Variants in LTBP1 observed in about 807,000 individuals in gnomAD.
The protein encoded by LTBP1 is latent transforming growth factor beta binding protein 1.
In LTBP1, 129 loss-of-function variants were observed where a neutral mutation model predicts 207.6. That is an observed-to-expected ratio of 0.62 (90% CI 0.54 to 0.72). The LOEUF is 0.72. LTBP1 is among the 30% of genes least tolerant of loss of function. LTBP1 has a pLI of 0.00. For synonymous variants in LTBP1, 963 were observed against 833.7 expected, an observed-to-expected ratio of 1.16 and a Z score of -2.67; for missense variants, 2,281 against 2,217.2, an observed-to-expected ratio of 1.03 and a Z score of -0.58.
intron 2 of LTBP1, among the ~76,000 whole-genome samples, chr2:32,986,029 G>T (rs901249688): frequency 6.6e-6 from 1 of 152,122 alleles, no homozygotes; most frequent in Non-Finnish European, 1.5e-5. Flanking sequence ...TACAAAAAAT[G>T]TTCCTTTTAT....
chr2:33,141,924 C>G (rs936544146), intron 5 of LTBP1, among the ~76,000 whole-genome samples: 1 of 151,930 alleles, frequency 6.6e-6, no homozygotes, highest in African/African-American at 2.4e-5. Flanking sequence ...AAAGAGGCAA[C>G]CAATTCTTGT....
intron 26 of LTBP1, among the ~76,000 whole-genome samples, chr2:33,356,966 T>C (rs190506967): frequency 6.6e-6 from 1 of 152,334 alleles, no homozygotes; most frequent in East Asian, 1.9e-4. Flanking sequence ...GTGTTACTCT[T>C]GGGTCATTGT....
At position 33,275,870 on chromosome 2, in the gene LTBP1, G is replaced by A. The variant is rs868050283; in HGVS notation, c.2939G>A (p.Arg980Gln). The change falls in exon 18 of 34, where the codon CGG (arginine) becomes CAG (glutamine). Residue 980 changes from arginine to glutamine, a missense_variant. Around this residue, in one of 3 missense-constraint regions of LTBP1, gnomAD observed 1,671 missense variants for 1,634.8 expected, o/e 1.02. Transcript: ENST00000404816. ...TGTGTCAATACTGTGGGGGCCTTCC[G>A]GTGTGAATACTGTGACAGCGGGTAC... is the stretch of plus-strand genomic sequence containing the variant. ...GHCVNTVGAFRCEYCDSGYRM... is the reference protein window; with the variant it reads ...GHCVNTVGAFQCEYCDSGYRM... 1.7e-5 allele frequency: 28 copies of A among 1,611,878 alleles called. No individual in the cohort carries two copies. In the East Asian group the frequency reaches 2.0e-4, roughly 12 times the overall value.
chr2:33,254,217 C>T (rs529342234), intron 11 of LTBP1, among the ~76,000 whole-genome samples: 72 of 152,160 alleles, frequency 4.7e-4, no homozygotes, highest in African/African-American at 1.7e-3. Context: ...AATTTATAGA[C>T]ACGTTTCTCT....
At chr2:32,956,735 T>C (rs188444460) in intron 2 of LTBP1, among the ~76,000 whole-genome samples, 1 of 152,354 alleles carries the variant, frequency 6.6e-6, no homozygotes, top group African/African-American at 2.4e-5. Flanking sequence ...AGGTTTTCGA[T>C]TTACTTTGCC....
intron 11 of LTBP1, among the ~76,000 whole-genome samples, chr2:33,254,886 A>G (rs1242466009): frequency 9.0e-5 from 3 of 33,338 alleles, no homozygotes; most frequent in African/African-American, 2.8e-4. Flanking sequence ...TTTTTTTTGT[A>G]TTTTCTATTA....
intron 32 of LTBP1, among the ~76,000 whole-genome samples, chr2:33,391,562 T>G (rs1008926078): frequency 6.6e-6 from 1 of 152,182 alleles, no homozygotes; most frequent in Non-Finnish European, 1.5e-5. Flanking sequence ...ACAGCTTTCC[T>G]CCCTAGACCT....
chr2:33,205,236 C>G (rs1035787562), intron 7 of LTBP1, among the ~76,000 whole-genome samples: 2 of 152,234 alleles, frequency 1.3e-5, no homozygotes, highest in East Asian at 1.9e-4. Context: ...ACCCACACTT[C>G]TCTCTGTTCC....
intron 3 of LTBP1, among the ~76,000 whole-genome samples, chr2:33,051,945 C>T (rs1032403403): frequency 6.6e-6 from 1 of 152,192 alleles, no homozygotes; most frequent in African/African-American, 2.4e-5. Flanking sequence ...TATTTGAATA[C>T]CGATCCATGG....
At chr2:33,317,679 T>G (rs2094292365) in intron 24 of LTBP1, 1 of 152,220 alleles carries the variant, frequency 6.6e-6, no homozygotes, top group African/African-American at 2.4e-5. Flanking sequence ...TCATGTCCAT[T>G]TACTGATTTT....
chr2:33,388,072 A>G (rs2095283331), intron 31 of LTBP1, among the ~76,000 whole-genome samples: 1 of 152,182 alleles, frequency 6.6e-6, no homozygotes, highest in African/African-American at 2.4e-5. Flanking sequence ...TGTCCTTTCT[A>G]CAGCTTTCCT....
chr2:33,100,041 G>A (rs543794834), intron 3 of LTBP1, among the ~76,000 whole-genome samples: 8 of 152,332 alleles, frequency 5.3e-5, no homozygotes, highest in African/African-American at 1.9e-4. Flanking sequence ...AATGCAGTGG[G>A]AGAATAATCT....
At chr2:33,146,587 A>G (rs1026099587) in intron 5 of LTBP1, among the ~76,000 whole-genome samples, 1 of 152,216 alleles carries the variant, frequency 6.6e-6, no homozygotes, top group Non-Finnish European at 1.5e-5. Context: ...ACTACCTGAG[A>G]CTGGGTAGGT....
At chr2:32,987,617 T>C (rs1475504695) in intron 2 of LTBP1, among the ~76,000 whole-genome samples, 1 of 152,230 alleles carries the variant, frequency 6.6e-6, no homozygotes, top group Non-Finnish European at 1.5e-5. Flanking sequence ...GAGAATCTTA[T>C]AATTCCCTAA....
At chr2:33,301,401 A>G in intron 21 of LTBP1, 121 bp from the exon 22 acceptor site, 2 of 1,194,390 alleles carry the variant, frequency 1.7e-6, no homozygotes, top group South Asian at 2.0e-5. Context: ...GCGACAATAC[A>G]TGATGGTCAT....
chr2:33,022,564 A>G (rs1297849668), intron 3 of LTBP1, among the ~76,000 whole-genome samples: 4 of 152,204 alleles, frequency 2.6e-5, no homozygotes, highest in Non-Finnish European at 5.9e-5. Context: ...ACAGATGAGA[A>G]GACTGAGGTA....
chr2:33,344,557 T>C lies in LTBP1; in HGVS notation c.3856+1594T>C, dbSNP rs544364350. ...AGCCCTGGATTTTTCTCACTCGTTC[T>C]TGAAGACTGAGGTTCAGTGTCATCT... On this transcript the variant is annotated intron_variant, in intron 25 of 33. Coordinates refer to ENST00000404816, the MANE Select transcript of LTBP1 (RefSeq NM_206943.4). Among the ~76,000 whole-genome samples, 12 of 152,344 alleles carry C rather than the reference T, an allele frequency of 7.9e-5. No homozygotes were observed. In the South Asian group the frequency reaches 2.5e-3, roughly 32 times the overall value.
intron 9 of LTBP1, among the ~76,000 whole-genome samples, chr2:33,239,538 A>T (rs755119273): frequency 6.6e-6 from 1 of 152,198 alleles, no homozygotes; most frequent in Admixed American, 6.5e-5. Context: ...CAAACTAAAT[A>T]TTAAAATACT....
At chr2:33,314,874 A>G (rs1305918066) in intron 23 of LTBP1, among the ~76,000 whole-genome samples, 1 of 152,212 alleles carries the variant, frequency 6.6e-6, no homozygotes, top group Non-Finnish European at 1.5e-5. Context: ...CCATATGTCT[A>G]AAATAAGGGT....
Sources: gnomAD v4.1 joint callset for allele counts (sites outside exome capture counted in the v4.1 genomes callset) on GRCh38, gnomAD v4.1.1 for gene constraint, gnomAD v4.1.1 regional missense constraint, MANE v1.5 for transcripts, NCBI Gene and HGNC (gene_info 2026-07-23, HGNC 2026-07-21) for gene names.